Variants in AFG2A observed in about 807,000 individuals in gnomAD.
The protein encoded by AFG2A is AAA ATPase AFG2A, also known as ATPase family gene 2 protein homolog A.
chr4:123,209,881 C>T, the AFG2A span, among the ~76,000 whole-genome samples: 9 of 152,046 alleles, frequency 5.9e-5, no homozygotes, highest in African/African-American at 1.7e-4. Context: ...TCCTTTGAGC[C>T]TTCACCCCAC....
the AFG2A span, among the ~76,000 whole-genome samples, chr4:123,155,044 A>G: frequency 1.3e-5 from 2 of 151,044 alleles, no homozygotes; most frequent in Admixed American, 1.3e-4. Context: ...ATTCTCTTGA[A>G]TGTTTCTTTC....
chr4:122,995,394 G>C, the AFG2A span, among the ~76,000 whole-genome samples: 2 of 152,044 alleles, frequency 1.3e-5, no homozygotes, highest in Non-Finnish European at 2.9e-5. Context: ...AGCTTCTCTT[G>C]TGCATTTTTA....
chr4:122,961,435 T>C, the AFG2A span, among the ~76,000 whole-genome samples: 1 of 152,224 alleles, frequency 6.6e-6, no homozygotes, highest in Non-Finnish European at 1.5e-5. Flanking sequence ...TCTGAATCAG[T>C]AAAAATCTTG....
the AFG2A span, among the ~76,000 whole-genome samples, chr4:123,025,688 G>T: frequency 6.6e-5 from 10 of 152,026 alleles, no homozygotes; most frequent in South Asian, 1.9e-3. Flanking sequence ...TTTTTGTCAG[G>T]TTCAATTTCA....
At chr4:122,996,738 A>T in the AFG2A span, among the ~76,000 whole-genome samples, 359 of 152,210 alleles carry the variant, frequency 2.4e-3, 8 homozygotes, top group East Asian at 0.052. Flanking sequence ...AGTGTGACTC[A>T]GTCCAAGTCC....
chr4:123,164,199 T>C, the AFG2A span, among the ~76,000 whole-genome samples: 1 of 152,182 alleles, frequency 6.6e-6, no homozygotes, highest in Non-Finnish European at 1.5e-5. Context: ...TTCTAACCCA[T>C]AGTGATTTTT....
chr4:123,167,008 G>A, the AFG2A span, among the ~76,000 whole-genome samples: 93 of 152,026 alleles, frequency 6.1e-4, no homozygotes, highest in Non-Finnish European at 5.0e-4. Context: ...CCTTGGACAG[G>A]TTATTATCCC....
chr4:123,057,780 T>G, the AFG2A span, among the ~76,000 whole-genome samples: 1 of 150,946 alleles, frequency 6.6e-6, no homozygotes, highest in Non-Finnish European at 1.5e-5. Context: ...GTAAAGAGGA[T>G]TATCTATGAT....
the AFG2A span, among the ~76,000 whole-genome samples, chr4:123,037,651 A>T: frequency 1.3e-5 from 2 of 152,096 alleles, no homozygotes; most frequent in Non-Finnish European, 2.9e-5. Context: ...AAATTAGCCT[A>T]TGCTACTATC....
At chr4:122,923,726 G>C in the AFG2A span, among the ~76,000 whole-genome samples, 1 of 152,150 alleles carries the variant, frequency 6.6e-6, no homozygotes, top group Non-Finnish European at 1.5e-5. Flanking sequence ...TTTTCTTCCA[G>C]TACTACGCAG....
the AFG2A span, among the ~76,000 whole-genome samples, chr4:123,007,593 TGTG>T: frequency 2.8e-4 from 1 of 3,620 alleles, no homozygotes. Flanking sequence ...TGTGTGTGTG[TGTG>T]TGTGTGTGTG....
the AFG2A span, among the ~76,000 whole-genome samples, chr4:123,119,901 A>C: frequency 6.6e-6 from 1 of 152,152 alleles, no homozygotes; most frequent in Non-Finnish European, 1.5e-5. Context: ...ACCTCTTCAC[A>C]GGGCTGAAGA....
At chr4:123,001,926 T>C in the AFG2A span, among the ~76,000 whole-genome samples, 1 of 152,324 alleles carries the variant, frequency 6.6e-6, no homozygotes, top group East Asian at 1.9e-4. Flanking sequence ...CCATTATTAC[T>C]GTGTGGGTGT....
the AFG2A span, among the ~76,000 whole-genome samples, chr4:123,125,701 A>C: frequency 3.3e-5 from 5 of 152,150 alleles, no homozygotes; most frequent in Non-Finnish European, 5.9e-5. Context: ...GCTGACTCTG[A>C]GTCTAGTACT....
At chr4:122,948,047 T>G in the AFG2A span, among the ~76,000 whole-genome samples, 1 of 152,154 alleles carries the variant, frequency 6.6e-6, no homozygotes, top group African/African-American at 2.4e-5. Flanking sequence ...ATCAGCTGTT[T>G]ATATTATTGG....
At chr4:123,135,353 A>G in the AFG2A span, among the ~76,000 whole-genome samples, 6 of 152,232 alleles carry the variant, frequency 3.9e-5, no homozygotes, top group Non-Finnish European at 7.3e-5. Context: ...TGAACAATAC[A>G]AGATGCTTAC....
the AFG2A span, chr4:123,319,037 A>G: frequency 6.6e-6 from 1 of 152,208 alleles, no homozygotes; most frequent in African/African-American, 2.4e-5. Flanking sequence ...TTTTCTTCTT[A>G]CAACAAAACT....
chr4:123,007,550 ATG>A, the AFG2A span, among the ~76,000 whole-genome samples: 24 of 89,572 alleles, frequency 2.7e-4, no homozygotes, highest in Non-Finnish European at 4.0e-4. Context: ...ATGTGTATGT[ATG>A]TGTGTGTGTG....
chr4:123,041,736 C>A, the AFG2A span, among the ~76,000 whole-genome samples: 1 of 151,414 alleles, frequency 6.6e-6, no homozygotes, highest in East Asian at 2.0e-4. Context: ...CCATGTTGGT[C>A]AGGCTGGTCT....
Sources: allele counts gnomAD v4.1 joint callset (sites outside exome capture counted in the v4.1 genomes callset), GRCh38; gene constraint gnomAD v4.1.1; transcripts MANE v1.5; gene names NCBI Gene and HGNC (gene_info 2026-07-23, HGNC 2026-07-21).